NGLY1: variants seen among roughly 807,000 people sequenced by gnomAD.
NGLY1 encodes peptide-N(4)-(N-acetyl-beta-glucosaminyl)asparagine amidase.
NGLY1 carries 68 observed loss-of-function variants against 84.6 expected under a neutral mutation model. That is an observed-to-expected ratio of 0.80 (90% CI 0.66 to 0.98). The LOEUF (loss-of-function observed/expected upper bound fraction) is 0.98, where lower values mean the gene tolerates loss of function less well. Among genes scored for constraint, NGLY1 ranks in the 50% least tolerant of loss-of-function variants. The pLI is 0.00. For missense variants in NGLY1, 779 were observed against 770.2 expected, an observed-to-expected ratio of 1.01 and a Z score of -0.14; for synonymous variants, 280 against 275.2, an observed-to-expected ratio of 1.02 and a Z score of -0.17.
chr3:25,745,390 C>T (rs1023611889), intron 4 of NGLY1, among the ~76,000 whole-genome samples: 4 of 152,172 alleles, frequency 2.6e-5, no homozygotes, highest in African/African-American at 9.7e-5. Context: ...TACCTATCAT[C>T]CTGAAGTGTA....
chr3:25,754,770 C>T (rs1159644117), intron 3 of NGLY1, among the ~76,000 whole-genome samples: 1 of 141,146 alleles, frequency 7.1e-6, no homozygotes, highest in African/African-American at 2.6e-5. Context: ...GAAAAGAACA[C>T]ATTAGAGATG....
intron 2 of NGLY1, among the ~76,000 whole-genome samples, chr3:25,768,551 A>G (rs866715878): frequency 6.8e-6 from 1 of 148,018 alleles, no homozygotes; most frequent in African/African-American, 2.5e-5. Context: ...CAAAGATTTC[A>G]TAAGTAAGAC....
intron 7 of NGLY1, chr3:25,735,165 T>C (rs1705752899): frequency 6.6e-6 from 1 of 151,990 alleles, no homozygotes; most frequent in Non-Finnish European, 1.5e-5. Context: ...CTAGGCAAAA[T>C]TTCTTAAATA....
intron 4 of NGLY1, among the ~76,000 whole-genome samples, chr3:25,750,264 CA>C (rs1166819335): frequency 6.6e-6 from 1 of 152,104 alleles, no homozygotes; most frequent in Non-Finnish European, 1.5e-5. Flanking sequence ...CAATTACCTC[CA>C]ACTGGTCCCA....
chr3:25,766,668 C>G (rs1707593143), intron 2 of NGLY1, among the ~76,000 whole-genome samples: 1 of 152,106 alleles, frequency 6.6e-6, no homozygotes, highest in Admixed American at 6.5e-5. Context: ...AACCAGACAT[C>G]TGGTTTAAAA....
At chr3:25,785,350 G>T (rs762630307), upstream of NGLY1, among the ~76,000 whole-genome samples, 3 of 151,880 alleles carry the variant, frequency 2.0e-5, no homozygotes, top group Admixed American at 2.0e-4. Flanking sequence ...ATGTAGTCTC[G>T]TCCAACTACA....
intron 4 of NGLY1, among the ~76,000 whole-genome samples, chr3:25,744,647 A>G (rs1706328901): frequency 6.6e-6 from 1 of 152,224 alleles, no homozygotes; most frequent in African/African-American, 2.4e-5. Flanking sequence ...ATGACAATGC[A>G]CCAGTTAAAA....
At chr3:25,751,931 G>A (rs1186358229) in intron 3 of NGLY1, among the ~76,000 whole-genome samples, 5 of 152,138 alleles carry the variant, frequency 3.3e-5, no homozygotes, top group Non-Finnish European at 7.3e-5. Context: ...AAGGAAAGGG[G>A]AGTAACCAAG....
chr3:25,778,865 G>A (rs1575666557), intron 1 of NGLY1, among the ~76,000 whole-genome samples, 177 bp from the exon 2 acceptor site: 1 of 127,664 alleles, frequency 7.8e-6, no homozygotes, highest in Admixed American at 8.2e-5. Context: ...ATTCTGTGCT[G>A]TTAAGGTACA....
rs368580768 is a variant in NGLY1 at position 25,739,717 on chromosome 3, G to A, written c.741C>T (p.Asn247=). The change falls in exon 5 of 12, where the codon AAC becomes AAT. Residue 247 remains asparagine (N), a synonymous_variant. Coordinates refer to ENST00000280700, the MANE Select transcript of NGLY1 (RefSeq NM_018297.4). ...GTCCACCACATTTGCTGCACAAAAC[G>A]TTATTCACCCAGTGAAAAAATTCTT... ...FKEEFFHWVN[N]VLCSKCGGQT... The A allele has an allele frequency of 5.7e-5, 92 of 1,613,866 alleles. No individual in the cohort carries two copies. Among genetic ancestry groups the A allele is most frequent in the Non-Finnish European group, 7.4e-5 (87 of 1,180,004 alleles).
chr3:25,757,843 C>T (rs1409811819), intron 3 of NGLY1, among the ~76,000 whole-genome samples: 1 of 152,132 alleles, frequency 6.6e-6, no homozygotes, highest in Non-Finnish European at 1.5e-5. Context: ...ATTAACAGTG[C>T]CTCCCTCACA....
At chr3:25,770,597 G>A (rs116673999) in intron 2 of NGLY1, among the ~76,000 whole-genome samples, 4,272 of 152,252 alleles carry the variant, frequency 0.028, 92 homozygotes, top group Non-Finnish European at 0.044. Flanking sequence ...TACAGGAATT[G>A]CTAGATCAAA....
intron 4 of NGLY1, chr3:25,749,395 C>T (rs1706608461): frequency 9.4e-6 from 7 of 741,722 alleles, no homozygotes; most frequent in Non-Finnish European, 1.4e-5. Context: ...GTGATATATA[C>T]ATAAACAGGA....
At chr3:25,765,272 C>T (rs891994640) in intron 2 of NGLY1, among the ~76,000 whole-genome samples, 3 of 151,576 alleles carry the variant, frequency 2.0e-5, no homozygotes, top group African/African-American at 7.3e-5. Context: ...CCAGCCTGGT[C>T]AACATGGCAA....
chr3:25,751,840 A>T (rs1706766299), intron 3 of NGLY1, among the ~76,000 whole-genome samples: 1 of 152,234 alleles, frequency 6.6e-6, no homozygotes, highest in African/African-American at 2.4e-5. Flanking sequence ...ACAGCTAATT[A>T]TCTCGGCTTC....
intron 1 of NGLY1, among the ~76,000 whole-genome samples, chr3:25,779,094 C>T (rs796909385): frequency 6.6e-6 from 1 of 151,968 alleles, no homozygotes; most frequent in African/African-American, 2.4e-5. Context: ...CACCACCACT[C>T]CTGGCTAATT....
chr3:25,757,872 G>C (rs1335433154), intron 3 of NGLY1, among the ~76,000 whole-genome samples: 1 of 152,202 alleles, frequency 6.6e-6, no homozygotes, highest in African/African-American at 2.4e-5. Context: ...AAGCTACCCT[G>C]AGGTAAGAGA....
rs1338750779 is a variant in NGLY1, at chr3:25,783,363, A to G, written c.28T>C (p.Ser10Pro). Residue 10 changes from serine to proline, a missense_variant, in exon 1 of 12, where the codon TCA becomes CCA. Coordinates refer to ENST00000280700, the MANE Select transcript of NGLY1 (RefSeq NM_018297.4). The surrounding 1 kb of genome is among the most constrained non-coding windows in gnomAD (Gnocchi z 4.5). MAAAALGSSSGSASPAVAEL... is the reference protein window; with the variant it reads MAAAALGSSPGSASPAVAEL... ...GCCACGGCCGGGGACGCCGAGCCTG[A>G]GGAGCTGCCCAATGCCGCCGCCGCC... The G allele has an allele frequency of 1.3e-6, 2 of 1,560,330 alleles. No homozygotes were observed. The highest frequency in any genetic ancestry group is 2.4e-5 in the East Asian group (1 of 41,172).
At position 25,783,205 on chromosome 3, in the gene NGLY1, A is replaced by C; in HGVS notation, c.131+55T>G. On this transcript the variant is annotated intron_variant, in intron 1 of 11. Coordinates refer to ENST00000280700, the MANE Select transcript of NGLY1 (RefSeq NM_018297.4). This position sits in a 1 kb window ranked among gnomAD's most constrained non-coding sequence, Gnocchi z 4.5. ...GGACGCCCCAGTCCCTGGCCGAACA[A>C]GGTGCCGCGGCCCACCCACCCCGGT... 1.3e-6 allele frequency: 2 copies of C among 1,529,782 alleles called. No homozygotes were observed. The highest frequency in any genetic ancestry group is 1.8e-6 in the Non-Finnish European group (2 of 1,111,752). The allele number at this position is 1,529,782 out of a possible 1,614,324, so 94.8% of individuals were successfully genotyped here. A position where few individuals can be genotyped will look rare whatever the true frequency, so the allele number is the denominator to read the frequency against.
Sources: allele counts gnomAD v4.1 joint callset (sites outside exome capture counted in the v4.1 genomes callset), GRCh38; gene constraint gnomAD v4.1.1; non-coding constraint Gnocchi (gnomAD v3.1); transcripts MANE v1.5; gene names NCBI Gene and HGNC (gene_info 2026-07-23, HGNC 2026-07-21).